Variants in POU6F2 observed in about 807,000 individuals in gnomAD.
POU6F2 encodes POU domain, class 6, transcription factor 2.
A neutral mutation model predicts 71.3 loss-of-function variants in POU6F2; 31 were observed. The observed-to-expected ratio is 0.43, with a 90% confidence interval of 0.33 to 0.59. The LOEUF is 0.59. POU6F2 is among the 20% of genes least tolerant of loss of function. The pLI, the probability that POU6F2 is intolerant of heterozygous loss-of-function variation, is 0.04. For synonymous variants in POU6F2, 347 were observed against 355.7 expected, an observed-to-expected ratio of 0.98 and a Z score of 0.27; for missense variants, 783 against 856.8, an observed-to-expected ratio of 0.91 and a Z score of 1.07.
chr7:39,131,610 C>T (rs1258843241), intron 2 of POU6F2, among the ~76,000 whole-genome samples: 1 of 152,180 alleles, frequency 6.6e-6, no homozygotes, highest in Non-Finnish European at 1.5e-5. Context: ...GAATCTCCTC[C>T]TTCTTAAAGA....
intron 4 of POU6F2, among the ~76,000 whole-genome samples, chr7:39,235,627 C>G (rs896771851): frequency 2.6e-5 from 4 of 152,202 alleles, no homozygotes; most frequent in Non-Finnish European, 5.9e-5. Context: ...CTCTCTGTGC[C>G]TTGTATCCCC....
intron 4 of POU6F2, among the ~76,000 whole-genome samples, chr7:39,262,776 G>A (rs1189655382): frequency 3.3e-5 from 5 of 152,016 alleles, no homozygotes; most frequent in African/African-American, 7.3e-5. Flanking sequence ...CATGAATCAC[G>A]GAGTCGGACT....
intron 2 of POU6F2, among the ~76,000 whole-genome samples, chr7:39,100,451 C>CTGTTGT (rs138138465): frequency 2.0e-5 from 3 of 152,092 alleles, no homozygotes; most frequent in Non-Finnish European, 4.4e-5. Flanking sequence ...GAACATCTTT[C>CTGTTGT]TGTTGTTGTT....
Position 39,340,027 on chromosome 7 carries a change from G to T in POU6F2, c.972+12G>T. 1 of 1,588,724 alleles carries T rather than the reference G, an allele frequency of 6.3e-7. No individual in the cohort carries two copies. Among genetic ancestry groups the T allele is most frequent in the Non-Finnish European group, 8.6e-7 (1 of 1,162,852 alleles). On this transcript the variant is annotated intron_variant, in intron 5 of 9. Coordinates refer to ENST00000518318, the MANE Select transcript of POU6F2 (RefSeq NM_001370959.1). The stretch of plus-strand genomic sequence containing the variant: ...CCAATCCTCTACAGGTATGCTCCCC[G>T]TGCTTCCCGTCTGCCCCTAGGAGCA...
rs60182283 is a variant in POU6F2 at position 39,172,752 on chromosome 7, CT to C, written c.278-31482del. ...CTTCCCACCTTAGTTTCCCAAGTAG[CT>C]GGGACTACAGGCACCTGCCACCATG... is the stretch of plus-strand genomic sequence containing the variant. On this transcript the variant is annotated intron_variant, in intron 2 of 9. Transcript: ENST00000518318. Among the ~76,000 whole-genome samples, 1,351 of 152,060 alleles carry C rather than the reference CT, an allele frequency of 8.9e-3. 18 individuals are homozygous for C. Among genetic ancestry groups the C allele is most frequent in the African/African-American group, 0.031 (1,289 of 41,468 alleles).
chr7:39,257,510 C>T (rs141418673), intron 4 of POU6F2, among the ~76,000 whole-genome samples: 63 of 152,090 alleles, frequency 4.1e-4, no homozygotes, highest in African/African-American at 1.4e-3. Context: ...AGCTTTAAGC[C>T]GCTTACATTG....
intron 5 of POU6F2, among the ~76,000 whole-genome samples, chr7:39,399,047 T>C (rs114712572): frequency 0.012 from 1,865 of 152,302 alleles, 49 homozygotes; most frequent in African/African-American, 0.04. Flanking sequence ...ACTTTCAAGG[T>C]AGAATGGTGC....
chr7:39,255,418 T>C (rs921594034), intron 4 of POU6F2, among the ~76,000 whole-genome samples: 1 of 152,214 alleles, frequency 6.6e-6, no homozygotes, highest in Non-Finnish European at 1.5e-5. Context: ...GAAGACACTT[T>C]ATTCTTCGTG....
At chr7:39,117,493 C>T (rs940869340) in intron 2 of POU6F2, among the ~76,000 whole-genome samples, 3 of 152,086 alleles carry the variant, frequency 2.0e-5, no homozygotes, top group South Asian at 2.1e-4. Flanking sequence ...CATAAACCTA[C>T]GAGGACAAAG....
rs562230638 is a variant in POU6F2, at chr7:39,000,449, T to C, written c.105+22391T>C. Among the ~76,000 whole-genome samples, 5 of 152,104 alleles carry C rather than the reference T, an allele frequency of 3.3e-5. No homozygotes were observed. The South Asian group carries it at 1.0e-3, about 32-fold the overall frequency. The stretch of plus-strand genomic sequence containing the variant: ...ACAACAGCCACTAATATCAGACTGC[T>C]CTCCACTGTCTATCTTCTGCTAAAT... On this transcript the variant is annotated intron_variant, in intron 1 of 9. Transcript: ENST00000518318.
intron 1 of POU6F2, among the ~76,000 whole-genome samples, chr7:39,081,091 A>G (rs1387056730): frequency 6.6e-6 from 1 of 152,244 alleles, no homozygotes; most frequent in Non-Finnish European, 1.5e-5. Flanking sequence ...AGAAGTTAGC[A>G]TATAATGACA....
intron 4 of POU6F2, among the ~76,000 whole-genome samples, chr7:39,262,040 G>A (rs1008566225): frequency 2.0e-5 from 3 of 152,256 alleles, no homozygotes; most frequent in Non-Finnish European, 4.4e-5. Context: ...ACTGGAAAAG[G>A]GGTCTGGGAA....
At chr7:39,073,158 C>G (rs951233891) in intron 1 of POU6F2, among the ~76,000 whole-genome samples, 22 of 152,110 alleles carry the variant, frequency 1.4e-4, no homozygotes, top group Non-Finnish European at 2.6e-4. Flanking sequence ...TAAGTAGGCT[C>G]TGATTCAGAG....
At chr7:39,363,899 T>C (rs1786444698) in intron 5 of POU6F2, among the ~76,000 whole-genome samples, 1 of 152,058 alleles carries the variant, frequency 6.6e-6, no homozygotes, top group Non-Finnish European at 1.5e-5. Flanking sequence ...AAAAGAAGAA[T>C]TGGAGACATC....
intron 2 of POU6F2, among the ~76,000 whole-genome samples, chr7:39,088,285 C>G (rs911063774): frequency 1.3e-5 from 2 of 151,742 alleles, no homozygotes; most frequent in African/African-American, 4.9e-5. Context: ...CTAATATTCT[C>G]ATAAGGTTTC....
intron 4 of POU6F2, among the ~76,000 whole-genome samples, chr7:39,216,582 G>T (rs1382497657): frequency 6.6e-6 from 1 of 152,104 alleles, no homozygotes; most frequent in Admixed American, 6.5e-5. Context: ...ACTGTTCTCT[G>T]TCTAGATCGT....
intron 1 of POU6F2, among the ~76,000 whole-genome samples, chr7:39,020,615 C>G (rs1789662463): frequency 6.6e-6 from 1 of 152,052 alleles, no homozygotes; most frequent in Admixed American, 6.6e-5. Context: ...TCTTTCTCCT[C>G]AATAAATCAA....
At chr7:38,988,884 CTT>C (rs1381031738) in intron 1 of POU6F2, among the ~76,000 whole-genome samples, 1 of 152,120 alleles carries the variant, frequency 6.6e-6, no homozygotes, top group African/African-American at 2.4e-5. Flanking sequence ...AGTGTCATCT[CTT>C]TATGAAAGCT....
At position 39,106,082 on chromosome 7, in the gene POU6F2, A is replaced by G. The variant is rs145203156; in HGVS notation, c.277+20051A>G. On this transcript the variant is annotated intron_variant, in intron 2 of 9. Coordinates refer to ENST00000518318, the MANE Select transcript of POU6F2 (RefSeq NM_001370959.1). Reference sequence around the variant, plus strand: ...CACAAAAGCTCTTCCTTAAATCCCAATTGTAAGAATTTCATAATAAAATAG... The same window carrying G: ...CACAAAAGCTCTTCCTTAAATCCCAGTTGTAAGAATTTCATAATAAAATAG... Among the ~76,000 whole-genome samples the G allele has an allele frequency of 5.3e-5, 8 of 152,282 alleles. No homozygotes were observed. In the East Asian group the frequency reaches 9.6e-4, roughly 18 times the overall value.
Sources: gnomAD v4.1 joint callset for allele counts (sites outside exome capture counted in the v4.1 genomes callset) on GRCh38, gnomAD v4.1.1 for gene constraint, MANE v1.5 for transcripts, NCBI Gene and HGNC (gene_info 2026-07-23, HGNC 2026-07-21) for gene names.